Variants in SH3YL1 observed in about 807,000 individuals in gnomAD.
The protein encoded by SH3YL1 is SH3 and SYLF domain containing 1.
In SH3YL1, 41 loss-of-function variants were observed where a neutral mutation model predicts 45.8. The ratio of observed to expected loss-of-function variants is 0.89; its 90% confidence interval spans 0.70 to 1.16. SH3YL1 has a LOEUF of 1.16. Among genes scored for constraint, SH3YL1 ranks in the 50% most tolerant of loss-of-function variants. The pLI is 0.00. For missense variants in SH3YL1, 389 were observed against 409.6 expected, an observed-to-expected ratio of 0.95 and a Z score of 0.43; for synonymous variants, 152 against 151.4, an observed-to-expected ratio of 1.00 and a Z score of -0.03.
At chr2:225,888 G>A (rs1667767441) in intron 8 of SH3YL1, among the ~76,000 whole-genome samples, 1 of 152,102 alleles carries the variant, frequency 6.6e-6, no homozygotes, top group Non-Finnish European at 1.5e-5. Context: ...TCAACAAATG[G>A]AAAGCATGAA....
intron 7 of SH3YL1, 98 bp downstream of exon 7, chr2:230,925 G>C: frequency 8.8e-7 from 1 of 1,135,786 alleles, no homozygotes; most frequent in East Asian, 2.3e-5. Context: ...CTACGAAGGA[G>C]GCTTAGTAGG....
intron 3 of SH3YL1, among the ~76,000 whole-genome samples, chr2:247,972 G>C (rs1668905720): frequency 6.6e-6 from 1 of 152,164 alleles, no homozygotes; most frequent in African/African-American, 2.4e-5. Context: ...TCTTCAGCTA[G>C]AATTTTGTCA....
chr2:229,416 A>C (rs1009118635), intron 8 of SH3YL1, among the ~76,000 whole-genome samples: 2 of 152,200 alleles, frequency 1.3e-5, no homozygotes, highest in African/African-American at 4.8e-5. Flanking sequence ...TTGAAGATAA[A>C]TATCTTTGTA....
chr2:253,096 G>T lies in SH3YL1; in HGVS notation c.21C>A (p.Ser7=). Residue 7 remains serine, a synonymous_variant, in exon 2 of 10, where the codon TCC becomes TCA. Transcript: ENST00000356150. ...CCTTTTTTGCTTCTGATTTCAAATT[G>T]GAAGGTATAGGGTTATTCACTGAAA... MNNPIP[S]NLKSEAKKAA... The T allele has an allele frequency of 6.5e-7, 1 of 1,537,542 alleles. No individual in the cohort carries two copies.
rs779531514 is a variant in SH3YL1, at chr2:233,244, AT to A, written c.405-16del. ...CTTCCAAGTTCCTGCAAAGCACAAG[AT>A]TTTGCATCACAAAGCTGTGAGCAGC... On this transcript the variant is annotated splice_polypyrimidine_tract_variant and intron_variant, in intron 5 of 9. Coordinates refer to ENST00000356150, the MANE Select transcript of SH3YL1 (RefSeq NM_015677.4). 2 of 1,549,020 alleles carry A rather than the reference AT, an allele frequency of 1.3e-6. No individual in the cohort carries two copies. The highest frequency in any genetic ancestry group is 8.7e-7 in the Non-Finnish European group (1 of 1,145,466).
intron 3 of SH3YL1, among the ~76,000 whole-genome samples, chr2:249,092 A>C (rs17713729): frequency 0.3 from 44,985 of 152,166 alleles, 6,970 homozygotes; most frequent in Non-Finnish European, 0.35. Context: ...GCAAATGTTA[A>C]ATTGGTATAA....
At chr2:257,719 G>A (rs1262768321) in intron 1 of SH3YL1, among the ~76,000 whole-genome samples, 1 of 152,182 alleles carries the variant, frequency 6.6e-6, no homozygotes, top group Admixed American at 6.6e-5. Context: ...GATTCTGGGG[G>A]CTGCCCGACT....
At chr2:258,261 T>TAGGAAG (rs1669442137) in intron 1 of SH3YL1, among the ~76,000 whole-genome samples, 1 of 152,240 alleles carries the variant, frequency 6.6e-6, no homozygotes, top group South Asian at 2.1e-4. Flanking sequence ...GCAATTTTAA[T>TAGGAAG]AATGTTGATT....
chr2:248,889 G>C (rs1558248702), intron 3 of SH3YL1, among the ~76,000 whole-genome samples: 1 of 152,180 alleles, frequency 6.6e-6, no homozygotes, highest in African/African-American at 2.4e-5. Context: ...CACATAATAA[G>C]GAAGAGGTTT....
At chr2:230,129 T>C (rs1463823677) in intron 7 of SH3YL1, 85 bp from the exon 8 acceptor site, 6 of 1,001,200 alleles carry the variant, frequency 6.0e-6, no homozygotes, top group South Asian at 4.8e-5. Context: ...AATGAGGTTA[T>C]GTAGCAAACT....
chr2:244,694 C>A (rs1220297927), intron 4 of SH3YL1: 1 of 151,974 alleles, frequency 6.6e-6, no homozygotes, highest in African/African-American at 2.4e-5. Flanking sequence ...CTGTCATTGT[C>A]CCATTTTACA....
rs137897196 is a variant in SH3YL1, at chr2:225,578, A to T, written c.782-658T>A. 9.0e-3 allele frequency among the ~76,000 whole-genome samples: 1,371 copies of T among 152,358 alleles called. 28 individuals are homozygous for T. Among genetic ancestry groups the T allele is most frequent in the African/African-American group, 0.031 (1,296 of 41,586 alleles). The stretch of plus-strand genomic sequence containing the variant: ...CACCAGTGTGAAGGCCACTGGCCTA[A>T]GACATTTATGAAAGTCAGAATTTAG... On this transcript the variant is annotated intron_variant, in intron 8 of 9. Transcript: ENST00000356150.
chr2:248,564 A>G (rs993388786), intron 3 of SH3YL1, among the ~76,000 whole-genome samples: 1 of 152,150 alleles, frequency 6.6e-6, no homozygotes, highest in Admixed American at 6.5e-5. Flanking sequence ...GGAAGAAGGG[A>G]GAGAAATGTA....
intron 3 of SH3YL1, among the ~76,000 whole-genome samples, chr2:247,820 C>T (rs1007163086): frequency 2.6e-5 from 4 of 152,058 alleles, no homozygotes; most frequent in Non-Finnish European, 5.9e-5. Context: ...GTCTCATAGC[C>T]TCACAAGCCC....
chr2:241,575 G>A (rs183141394), intron 4 of SH3YL1: 1 of 152,206 alleles, frequency 6.6e-6, no homozygotes, highest in Non-Finnish European at 1.5e-5. Flanking sequence ...TAGAATAAAT[G>A]TAAAAAGATA....
intron 1 of SH3YL1, chr2:255,880 T>A (rs1669299633): frequency 6.6e-6 from 1 of 152,262 alleles, no homozygotes; most frequent in Admixed American, 6.5e-5. Context: ...CATTAGTGTA[T>A]TTTGGCATGT....
At chr2:227,738 C>A (rs558339117) in intron 8 of SH3YL1, among the ~76,000 whole-genome samples, 1 of 150,020 alleles carries the variant, frequency 6.7e-6, no homozygotes, top group South Asian at 2.1e-4. Flanking sequence ...ATGTTGTGAA[C>A]GTGGGTTTCC....
intron 6 of SH3YL1, 25 bp downstream of exon 6, chr2:233,076 T>C: frequency 6.6e-7 from 1 of 1,526,678 alleles, no homozygotes; most frequent in Admixed American, 2.1e-5. Flanking sequence ...CACTTTCAAT[T>C]AAAATCACTT....
chr2:231,754 G>C (rs1249204421), intron 6 of SH3YL1, among the ~76,000 whole-genome samples: 1 of 152,234 alleles, frequency 6.6e-6, no homozygotes, highest in Non-Finnish European at 1.5e-5. Context: ...GCTCGAACCA[G>C]AAGTTTCTAA....
Sources: gnomAD v4.1 joint callset for allele counts (sites outside exome capture counted in the v4.1 genomes callset) on GRCh38, gnomAD v4.1.1 for gene constraint, MANE v1.5 for transcripts, NCBI Gene and HGNC (gene_info 2026-07-23, HGNC 2026-07-21) for gene names.